ZFAT: variants seen among roughly 807,000 people sequenced by gnomAD.
The protein encoded by ZFAT is zinc finger protein ZFAT.
Under a neutral mutation model 117.7 loss-of-function variants are expected in ZFAT, and 64 were observed. The observed-to-expected ratio is 0.54, with a 90% CI of 0.44 to 0.67. The LOEUF is 0.67. Ranked by LOEUF, ZFAT falls within the 30% of genes least tolerant of loss-of-function variation. The probability of loss-of-function intolerance (pLI) is 0.00; values close to 1 mark genes in which losing one functional copy is unlikely to be tolerated. For missense variants in ZFAT, 1,433 were observed against 1,584.5 expected, an observed-to-expected ratio of 0.90 and a Z score of 1.62; for synonymous variants, 679 against 615.0, an observed-to-expected ratio of 1.10 and a Z score of -1.54.
intron 13 of ZFAT, among the ~76,000 whole-genome samples, chr8:134,517,836 C>T (rs1820362381): frequency 6.6e-6 from 1 of 152,160 alleles, no homozygotes; most frequent in African/African-American, 2.4e-5. Context: ...GATAATTAGG[C>T]TGAGGTTGAA....
At chr8:134,521,664 A>G (rs4909870) in intron 12 of ZFAT, among the ~76,000 whole-genome samples, 20,930 of 152,186 alleles carry the variant, frequency 0.14, 1,849 homozygotes, top group Non-Finnish European at 0.19. Context: ...GAGTCACACA[A>G]AAGAATATCT....
intron 2 of ZFAT, among the ~76,000 whole-genome samples, chr8:134,640,473 A>G (rs1377487560): frequency 6.6e-6 from 1 of 152,168 alleles, no homozygotes; most frequent in Non-Finnish European, 1.5e-5. Context: ...AGCACAGCAC[A>G]GCGTGTGGTA....
At chr8:134,800,115 T>C in the ZFAT span, among the ~76,000 whole-genome samples, 223 of 152,290 alleles carry the variant, frequency 1.5e-3, 1 homozygote, top group South Asian at 5.6e-3. Flanking sequence ...CACACTGCAA[T>C]ACTACAAACC....
At chr8:134,758,177 A>C in the ZFAT span, among the ~76,000 whole-genome samples, 3 of 152,166 alleles carry the variant, frequency 2.0e-5, no homozygotes, top group East Asian at 5.8e-4. Flanking sequence ...CATCCAGCAG[A>C]AATGTGAGGG....
intron 1 of ZFAT, among the ~76,000 whole-genome samples, chr8:134,711,951 T>C (rs577338264): frequency 6.6e-6 from 1 of 152,302 alleles, no homozygotes; most frequent in Non-Finnish European, 1.5e-5. Flanking sequence ...ATAAAGCTGG[T>C]GAGAGGCAGC....
At chr8:134,785,991 T>G in the ZFAT span, 2 of 152,232 alleles carry the variant, frequency 1.3e-5, no homozygotes, top group Non-Finnish European at 2.9e-5. Flanking sequence ...ATATTTTTAT[T>G]GGATGTATTA....
chr8:134,648,328 A>G (rs1831018956), intron 2 of ZFAT, among the ~76,000 whole-genome samples: 1 of 151,986 alleles, frequency 6.6e-6, no homozygotes, highest in African/African-American at 2.4e-5. Flanking sequence ...CCTAGAATGG[A>G]AAGAGATTAT....
intron 1 of ZFAT, among the ~76,000 whole-genome samples, chr8:134,688,110 G>A (rs1025859746): frequency 6.6e-6 from 1 of 152,064 alleles, no homozygotes; most frequent in Non-Finnish European, 1.5e-5. Flanking sequence ...GGGATCTTGT[G>A]GTGGGGGTGT....
chr8:134,509,792 T>C, intron 14 of ZFAT, 43 bp from the exon 15 acceptor site: 1 of 1,547,600 alleles, frequency 6.5e-7, no homozygotes, highest in Non-Finnish European at 8.7e-7. Context: ...AGGCCACTGG[T>C]GCTGAAGGAC....
chr8:134,797,002 T>C, the ZFAT span: 1 of 152,066 alleles, frequency 6.6e-6, no homozygotes, highest in East Asian at 1.9e-4. Flanking sequence ...ATTAAAAAAG[T>C]TTAAGATTAC....
chr8:134,693,925 C>T (rs958034760), intron 1 of ZFAT, among the ~76,000 whole-genome samples: 7 of 152,320 alleles, frequency 4.6e-5, no homozygotes, highest in African/African-American at 1.7e-4. Context: ...TCACGTGTCT[C>T]CTGCTATGGT....
chr8:134,737,502 G>C, the ZFAT span, among the ~76,000 whole-genome samples: 1 of 152,164 alleles, frequency 6.6e-6, no homozygotes, highest in Non-Finnish European at 1.5e-5. Flanking sequence ...GGGGCTGGGA[G>C]GACAAAGTTC....
chr8:134,669,131 G>A (rs1832417938), intron 1 of ZFAT, among the ~76,000 whole-genome samples: 1 of 152,230 alleles, frequency 6.6e-6, no homozygotes, highest in Non-Finnish European at 1.5e-5. Context: ...TCTGATCGCT[G>A]TACCTGAAAG....
the ZFAT span, among the ~76,000 whole-genome samples, chr8:134,756,017 G>A: frequency 1.3e-5 from 2 of 151,976 alleles, no homozygotes; most frequent in Non-Finnish European, 2.9e-5. Flanking sequence ...TCCTTACTGG[G>A]ATTCCATCTC....
rs570108708 is a variant in ZFAT, at chr8:134,496,607, G to A, written c.3492+13012C>T. Among the ~76,000 whole-genome samples, 22 of 152,212 alleles carry A rather than the reference G, an allele frequency of 1.4e-4. No individual in the cohort carries two copies. The East Asian group carries it at 3.7e-3, about 25-fold the overall frequency. ...ATCTGGAATTCACGGTTTTGAATGC[G>A]TATGAAGCCTCTAAAATGTACCAGG... is the stretch of plus-strand genomic sequence containing the variant. On this transcript the variant is annotated intron_variant, in intron 15 of 15. Coordinates refer to ENST00000377838, the MANE Select transcript of ZFAT (RefSeq NM_020863.4).
chr8:134,552,609 T>C (rs1368121146), intron 11 of ZFAT, among the ~76,000 whole-genome samples: 1 of 152,222 alleles, frequency 6.6e-6, no homozygotes, highest in African/African-American at 2.4e-5. Flanking sequence ...GATGATGGCG[T>C]GGATGGTTTC....
At chr8:134,670,096 A>C (rs1422553771) in intron 1 of ZFAT, among the ~76,000 whole-genome samples, 1 of 152,100 alleles carries the variant, frequency 6.6e-6, no homozygotes, top group Non-Finnish European at 1.5e-5. Context: ...ACCCAGATTC[A>C]TAAAGCAAGT....
At chr8:134,630,903 G>A (rs939591430) in intron 3 of ZFAT, among the ~76,000 whole-genome samples, 10 of 152,198 alleles carry the variant, frequency 6.6e-5, no homozygotes, top group African/African-American at 2.4e-4. Context: ...TCACTAGACT[G>A]CTCTTGACAG....
chr8:134,502,372 T>C (rs1005206821), intron 15 of ZFAT, among the ~76,000 whole-genome samples: 2 of 152,228 alleles, frequency 1.3e-5, no homozygotes, highest in African/African-American at 2.4e-5. Context: ...CACGACAGAT[T>C]GGACATGCAC....
Sources: allele counts gnomAD v4.1 joint callset (sites outside exome capture counted in the v4.1 genomes callset), GRCh38; gene constraint gnomAD v4.1.1; transcripts MANE v1.5; gene names NCBI Gene and HGNC (gene_info 2026-07-23, HGNC 2026-07-21).